SORBS2: variants seen among roughly 807,000 people sequenced by gnomAD.
SORBS2 encodes sorbin and SH3 domain containing 2.
A neutral mutation model predicts 97.7 loss-of-function variants in SORBS2; 46 were observed. That is an observed-to-expected ratio of 0.47 (90% CI 0.37 to 0.60). The LOEUF (loss-of-function observed/expected upper bound fraction) is 0.60, where lower values mean the gene tolerates loss of function less well. Ranked by LOEUF, SORBS2 falls within the 20% of genes least tolerant of loss-of-function variation. The pLI is 0.00. For synonymous variants in SORBS2, 476 were observed against 473.4 expected, an observed-to-expected ratio of 1.01 and a Z score of -0.07; for missense variants, 1,316 against 1,282.3, an observed-to-expected ratio of 1.03 and a Z score of -0.40.
chr4:185,899,630 A>G (rs572879644), intron 1 of SORBS2, among the ~76,000 whole-genome samples: 1 of 152,126 alleles, frequency 6.6e-6, no homozygotes, highest in African/African-American at 2.4e-5. Context: ...ATGCCCAGGC[A>G]CTCCCAGAGC....
At chr4:185,923,405 G>C (rs1020704663) in intron 1 of SORBS2, among the ~76,000 whole-genome samples, 1 of 151,706 alleles carries the variant, frequency 6.6e-6, no homozygotes. Flanking sequence ...TGATCCTCCT[G>C]CCTCAGCCTC....
In SORBS2 at chr4:185,921,069, C is replaced by T. The variant is rs114413200; in HGVS notation, c.-338+35127G>A. Among the ~76,000 whole-genome samples the T allele has an allele frequency of 5.6e-3, 850 of 152,294 alleles. 8 individuals carry two copies. The highest frequency in any genetic ancestry group is 0.019 in the African/African-American group (810 of 41,562). The stretch of plus-strand genomic sequence containing the variant: ...ATGCTGATACTTTCCTTGTCAATTA[C>T]GAGGCTGGCTTCCCCTTCATGATTA... On this transcript the variant is annotated intron_variant, in intron 1 of 20. Transcript: ENST00000284776.
intron 1 of SORBS2, among the ~76,000 whole-genome samples, chr4:185,876,171 G>C (rs530611090): frequency 1.3e-5 from 2 of 151,988 alleles, no homozygotes; most frequent in African/African-American, 4.8e-5. Flanking sequence ...GCAGTGGCAC[G>C]ATCTCAGCCC....
At chr4:185,889,541 T>C (rs1369780148) in intron 1 of SORBS2, among the ~76,000 whole-genome samples, 1 of 152,210 alleles carries the variant, frequency 6.6e-6, no homozygotes, top group Non-Finnish European at 1.5e-5. Context: ...GTGGCCTGCA[T>C]ATTGGATATC....
chr4:185,830,673 C>A (rs1007791807), intron 1 of SORBS2, among the ~76,000 whole-genome samples: 1 of 152,092 alleles, frequency 6.6e-6, no homozygotes, highest in African/African-American at 2.4e-5. Flanking sequence ...TCAAGTGTAA[C>A]CCAAATGTCT....
At chr4:185,677,505 T>A (rs1444463663) in intron 4 of SORBS2, 10 of 1,551,682 alleles carry the variant, frequency 6.4e-6, no homozygotes, top group Non-Finnish European at 7.8e-6. Context: ...CTGAAGAGGT[T>A]TTTTGTTAGC....
intron 4 of SORBS2, chr4:185,638,968 C>T: frequency 6.6e-7 from 1 of 1,521,410 alleles, no homozygotes; most frequent in Non-Finnish European, 8.8e-7. Flanking sequence ...TTCTCCGAGT[C>T]GGGAGCTAGA....
At chr4:185,714,671 G>A (rs1312090318) in intron 2 of SORBS2, among the ~76,000 whole-genome samples, 3 of 152,318 alleles carry the variant, frequency 2.0e-5, no homozygotes, top group Non-Finnish European at 4.4e-5. Flanking sequence ...GAAGGCAAAG[G>A]AGGAGCAAAG....
intron 1 of SORBS2, among the ~76,000 whole-genome samples, chr4:185,791,747 C>T (rs780738494): frequency 3.3e-5 from 5 of 151,660 alleles, no homozygotes; most frequent in Admixed American, 6.6e-5. Context: ...AAGTACATGC[C>T]GTCAGAGTAA....
At chr4:185,631,665 G>C (rs2096908684) in intron 4 of SORBS2, among the ~76,000 whole-genome samples, 1 of 152,176 alleles carries the variant, frequency 6.6e-6, no homozygotes, top group Admixed American at 6.5e-5. Flanking sequence ...AGGAGGCTGA[G>C]GCAGGAGAAT....
chr4:185,673,132 A>G (rs2097739787), intron 4 of SORBS2, among the ~76,000 whole-genome samples: 1 of 152,204 alleles, frequency 6.6e-6, no homozygotes, highest in Admixed American at 6.5e-5. Flanking sequence ...CAAATATCTG[A>G]GCAGAGAGTA....
At chr4:185,803,269 T>A (rs974889178) in intron 1 of SORBS2, among the ~76,000 whole-genome samples, 1 of 152,150 alleles carries the variant, frequency 6.6e-6, no homozygotes, top group African/African-American at 2.4e-5. Context: ...AATTTTCTGA[T>A]CATAATCTCT....
chr4:185,731,862 CTCTCTATATATA>C (rs1249181025), intron 2 of SORBS2, among the ~76,000 whole-genome samples: 227 of 30,506 alleles, frequency 7.4e-3, no homozygotes, highest in African/African-American at 0.013. Flanking sequence ...CTCTCTCTCT[CTCTCTATATATA>C]TATATATATA....
chr4:185,651,916 T>C (rs1258886380), intron 2 of SORBS2, 88 bp from the exon 11 acceptor site: 5 of 746,860 alleles, frequency 6.7e-6, no homozygotes, highest in African/African-American at 5.4e-5. Flanking sequence ...CAACAGAAAT[T>C]TGTTAGAAAA....
intron 1 of SORBS2, among the ~76,000 whole-genome samples, chr4:185,952,274 A>C (rs181015062): frequency 1.3e-5 from 2 of 152,252 alleles, no homozygotes; most frequent in South Asian, 4.2e-4. Flanking sequence ...GAAATCCACC[A>C]GCCTCGGCCT....
At chr4:185,637,785 T>C (rs79777096) in intron 4 of SORBS2, among the ~76,000 whole-genome samples, 1 of 152,130 alleles carries the variant, frequency 6.6e-6, no homozygotes, top group South Asian at 2.1e-4. Flanking sequence ...TCTATACAGC[T>C]GTAATAATTG....
chr4:185,942,296 C>G (rs1436123337), intron 1 of SORBS2, among the ~76,000 whole-genome samples: 1 of 152,128 alleles, frequency 6.6e-6, no homozygotes, highest in Admixed American at 6.5e-5. Flanking sequence ...GCACTTTTTG[C>G]AGTCCTCAAA....
intron 4 of SORBS2, chr4:185,677,163 G>C (rs1196793664): frequency 6.4e-7 from 1 of 1,551,722 alleles, no homozygotes; most frequent in Admixed American, 2.0e-5. Flanking sequence ...TGCTGTGTGT[G>C]TCTCAGGCAC....
chr4:185,827,926 CCATCATCACCATCATCATCATCATCAT>C (rs1419321632), intron 1 of SORBS2, among the ~76,000 whole-genome samples: 1 of 137,288 alleles, frequency 7.3e-6, no homozygotes, highest in Non-Finnish European at 1.6e-5. Flanking sequence ...ATCATCATCA[CCATCATCACCATCATCATCATCATCAT>C]CGTCACCATC....
Sources: allele counts gnomAD v4.1 joint callset (sites outside exome capture counted in the v4.1 genomes callset), GRCh38; gene constraint gnomAD v4.1.1; transcripts MANE v1.5; gene names NCBI Gene and HGNC (gene_info 2026-07-23, HGNC 2026-07-21).